Variants in MAF observed in about 807,000 individuals in gnomAD.
MAF encodes the protein MAF bZIP transcription factor, also known as transcription factor Maf.
MAF carries 10 observed loss-of-function variants against 22.0 expected under a neutral mutation model. That is an observed-to-expected ratio of 0.45 (90% CI 0.28 to 0.77). MAF has a LOEUF of 0.77. Ranked by LOEUF, MAF falls within the 30% of genes least tolerant of loss-of-function variation. The probability of loss-of-function intolerance (pLI) is 0.12; values close to 1 mark genes in which losing one functional copy is unlikely to be tolerated. For missense variants in MAF, 544 were observed against 548.4 expected, an observed-to-expected ratio of 0.99 and a Z score of 0.08; for synonymous variants, 337 against 255.8, an observed-to-expected ratio of 1.32 and a Z score of -3.03.
the MAF span, among the ~76,000 whole-genome samples, chr16:79,528,569 G>A: frequency 6.6e-6 from 1 of 151,884 alleles, no homozygotes; most frequent in Non-Finnish European, 1.5e-5. Flanking sequence ...CTCAGCCCTG[G>A]TGAATGTCAC....
At chr16:79,368,266 C>G in the MAF span, among the ~76,000 whole-genome samples, 1 of 152,156 alleles carries the variant, frequency 6.6e-6, no homozygotes, top group East Asian at 1.9e-4. Context: ...AGCCACATCC[C>G]TGGCTCTTGA....
chr16:79,242,065 C>T, the MAF span, among the ~76,000 whole-genome samples: 2 of 152,032 alleles, frequency 1.3e-5, no homozygotes, highest in Admixed American at 6.6e-5. Flanking sequence ...AAAGGAACAA[C>T]TGGTACCAGT....
chr16:79,384,964 T>A, the MAF span, among the ~76,000 whole-genome samples: 1 of 152,252 alleles, frequency 6.6e-6, no homozygotes, highest in South Asian at 2.1e-4. Flanking sequence ...GAGGCCATAT[T>A]TGAACAATGT....
the MAF span, among the ~76,000 whole-genome samples, chr16:79,475,341 T>C: frequency 6.8e-6 from 1 of 148,144 alleles, no homozygotes; most frequent in African/African-American, 2.4e-5. Context: ...TGGAGATATA[T>C]ATATATATGT....
At chr16:79,362,429 G>T in the MAF span, among the ~76,000 whole-genome samples, 1 of 152,124 alleles carries the variant, frequency 6.6e-6, no homozygotes, top group East Asian at 1.9e-4. Context: ...TTTTGTTGTT[G>T]CTGAGAAGGT....
chr16:79,449,087 A>G, the MAF span, among the ~76,000 whole-genome samples: 5 of 152,178 alleles, frequency 3.3e-5, no homozygotes, highest in East Asian at 1.9e-4. Flanking sequence ...CAGGCATTAG[A>G]TCCTCATAAG....
intron 1 of MAF, 32 bp from the exon 2 acceptor site, chr16:79,594,585 A>G (rs1171280683): frequency 6.4e-7 from 1 of 1,552,678 alleles, no homozygotes. Flanking sequence ...TTTTAACACT[A>G]TTTAGACAAA....
At chr16:79,493,999 T>A in the MAF span, among the ~76,000 whole-genome samples, 6 of 151,934 alleles carry the variant, frequency 3.9e-5, no homozygotes, top group South Asian at 2.1e-4. Flanking sequence ...CGATTTATGA[T>A]CCTTGGGTCA....
the MAF span, among the ~76,000 whole-genome samples, chr16:79,329,331 T>C: frequency 3.2e-4 from 49 of 152,286 alleles, no homozygotes; most frequent in African/African-American, 9.6e-4. Flanking sequence ...AACTGGAATT[T>C]GGAGAAGTGA....
At chr16:79,211,386 C>T in the MAF span, among the ~76,000 whole-genome samples, 13 of 152,150 alleles carry the variant, frequency 8.5e-5, no homozygotes, top group African/African-American at 2.9e-4. Flanking sequence ...TCAAAAGTTA[C>T]ACCAGCTTTA....
chr16:79,593,346 G>C (rs780376086), downstream of MAF, among the ~76,000 whole-genome samples: 2 of 152,146 alleles, frequency 1.3e-5, no homozygotes, highest in Non-Finnish European at 2.9e-5. Flanking sequence ...TGCAGCTACC[G>C]AGACAGCTGT....
At chr16:79,360,636 C>CAA in the MAF span, among the ~76,000 whole-genome samples, 1 of 152,146 alleles carries the variant, frequency 6.6e-6, no homozygotes, top group Non-Finnish European at 1.5e-5. Flanking sequence ...ATTTTGCAGC[C>CAA]AAGAGCATGA....
At chr16:79,254,861 T>G in the MAF span, among the ~76,000 whole-genome samples, 2 of 152,258 alleles carry the variant, frequency 1.3e-5, no homozygotes, top group Non-Finnish European at 2.9e-5. Context: ...TCATTTTGCC[T>G]GACCTTTCTG....
At chr16:79,555,637 C>T in the MAF span, among the ~76,000 whole-genome samples, 1 of 152,128 alleles carries the variant, frequency 6.6e-6, no homozygotes, top group Non-Finnish European at 1.5e-5. Flanking sequence ...TGTTTGCACA[C>T]CAACATGATG....
chr16:79,426,270 TGG>T, the MAF span, among the ~76,000 whole-genome samples: 1 of 152,140 alleles, frequency 6.6e-6, no homozygotes, highest in Non-Finnish European at 1.5e-5. Flanking sequence ...TTCGAAGACT[TGG>T]TAGGAAAACA....
chr16:79,338,555 G>A, the MAF span, among the ~76,000 whole-genome samples: 2 of 151,980 alleles, frequency 1.3e-5, no homozygotes, highest in South Asian at 2.1e-4. Context: ...GAACAATCGT[G>A]TTGAAAACGT....
At chr16:79,254,596 G>T in the MAF span, among the ~76,000 whole-genome samples, 2 of 152,112 alleles carry the variant, frequency 1.3e-5, no homozygotes, top group Non-Finnish European at 2.9e-5. Flanking sequence ...TAAGGAAAAG[G>T]TATTGTCAGA....
At chr16:79,376,909 A>T in the MAF span, among the ~76,000 whole-genome samples, 1 of 152,186 alleles carries the variant, frequency 6.6e-6, no homozygotes, top group African/African-American at 2.4e-5. Flanking sequence ...ACATTTTCTT[A>T]ATCCAGTCTA....
chr16:79,439,474 A>G, the MAF span, among the ~76,000 whole-genome samples: 1 of 151,804 alleles, frequency 6.6e-6, no homozygotes. Context: ...GTTAGCCAGG[A>G]TGGTCTCAAT....
Sources: allele counts gnomAD v4.1 joint callset (sites outside exome capture counted in the v4.1 genomes callset), GRCh38; gene constraint gnomAD v4.1.1; transcripts MANE v1.5; gene names NCBI Gene and HGNC (gene_info 2026-07-23, HGNC 2026-07-21).